FLII: variants seen among roughly 807,000 people sequenced by gnomAD.
The protein encoded by FLII is protein flightless-1 homolog.
FLII carries 101 observed loss-of-function variants against 156.2 expected under a neutral mutation model. That is an observed-to-expected ratio of 0.65 (90% CI 0.55 to 0.76). FLII has a LOEUF of 0.76. Ranked by LOEUF, FLII falls within the 30% of genes least tolerant of loss-of-function variation. The pLI is 0.00. For missense variants in FLII, 1,675 were observed against 1,682.8 expected (o/e 1.00, Z 0.08); for synonymous variants, 767 against 685.8 (o/e 1.12, Z -1.85).
In FLII at chr17:18,247,835, A is replaced by G. The variant is rs144793214; in HGVS notation, c.2309T>C (p.Leu770Pro). The G allele has an allele frequency of 2.8e-5, 45 of 1,613,738 alleles. No homozygotes were observed. The Admixed American group carries it at 7.5e-4, about 27-fold the overall frequency. Residue 770 changes from leucine (L) to proline (P), a missense_variant, in exon 20 of 30, where the codon CTG (leucine) becomes CCG (proline). Transcript: ENST00000327031. ...MPRMRLLQSL[L>P]DTRCVYILDC... ...CAGAATGTACACGCAGCGCGTGTCC[A>G]GCAGACTCTGCAGCTGCGGACCGGG...
Position 18,255,168 on chromosome 17 carries a change from T to C in FLII, c.327+15A>G. 2 of 1,601,134 alleles carry C rather than the reference T, an allele frequency of 1.2e-6. No homozygotes were observed. The highest frequency in any genetic ancestry group is 2.2e-5 in the East Asian group (1 of 44,768). ...CCGGCTAGCACAGGGGCCAGGTGAG[T>C]GGGTAGCCACTGACCAGGACTGAGA... is the stretch of plus-strand genomic sequence containing the variant. On this transcript the variant is annotated intron_variant, in intron 4 of 29. Coordinates refer to ENST00000327031, the MANE Select transcript of FLII (RefSeq NM_002018.4).
chr17:18,250,396 T>C (rs1028234663), intron 14 of FLII, among the ~76,000 whole-genome samples: 1 of 152,116 alleles, frequency 6.6e-6, no homozygotes, highest in African/African-American at 2.4e-5. Flanking sequence ...CGGCTAACAC[T>C]GCTCAGTAAT....
chr17:18,249,016 G>A (rs890348298), intron 16 of FLII, 111 bp downstream of exon 16: 47 of 1,369,154 alleles, frequency 3.4e-5, no homozygotes, highest in South Asian at 2.2e-4. Flanking sequence ...CGCCAAGCTC[G>A]TGGGCAGGAA....
intron 1 of FLII, 86 bp from the exon 2 acceptor site, chr17:18,257,105 C>T (rs1484720438): frequency 1.0e-5 from 8 of 780,214 alleles, no homozygotes; most frequent in Non-Finnish European, 1.7e-5. Flanking sequence ...CTTTGGGGAG[C>T]CACAGAACCA....
chr17:18,247,083 G>C, intron 21 of FLII, 31 bp from the exon 22 acceptor site: 1 of 1,604,636 alleles, frequency 6.2e-7, no homozygotes, highest in Non-Finnish European at 8.5e-7. Context: ...CCCCGCGGCA[G>C]GTCTGAGCGC....
chr17:18,246,649 G>A lies in FLII; in HGVS notation c.2996C>T (p.Thr999Ile), dbSNP rs747523576. ...GREASNMGWL[T>I]FTFSLQKKFE... The stretch of plus-strand genomic sequence containing the variant: ...CTTCTTTTGCAGGCTGAAGGTGAAG[G>A]TGAGCCAGCCCATATTGGAGGCTTC... The change falls in exon 23 of 30, where the codon ACC (threonine) becomes ATC (isoleucine). Residue 999 changes from threonine (T) to isoleucine (I), a missense_variant. Physicochemically the swap from Thr to Ile is moderately conservative, Grantham distance 89. Coordinates refer to ENST00000327031, the MANE Select transcript of FLII (RefSeq NM_002018.4). 1.2e-5 allele frequency: 20 copies of A among 1,613,852 alleles called. No individual in the cohort carries two copies. The East Asian group carries it at 3.8e-4, about 31-fold the overall frequency.
At position 18,249,171 on chromosome 17, in the gene FLII, G is replaced by C. The variant is rs771789019; in HGVS notation, c.1890C>G (p.Ile630Met). ...CCTTGAGGGGCACAGGCTCCAACTT[G>C]ATGTTCTTTTTCCCATACACACGAT... ...RMYRVYGKKNIKLEPVPLKGT... is the reference protein window; with the variant it reads ...RMYRVYGKKNMKLEPVPLKGT... Residue 630 changes from isoleucine to methionine, a missense_variant, in exon 16 of 30, where the codon ATC (isoleucine) becomes ATG (methionine). Physicochemically the swap from Ile to Met is conservative, Grantham distance 10 (BLOSUM62 1). Coordinates refer to ENST00000327031, the MANE Select transcript of FLII (RefSeq NM_002018.4). 3 of 1,614,182 alleles carry C rather than the reference G, an allele frequency of 1.9e-6. No individual in the cohort carries two copies. The highest frequency in any genetic ancestry group is 2.5e-6 in the Non-Finnish European group (3 of 1,180,038).
rs2048481998 is a variant in FLII, at chr17:18,258,135, G to A, written c.63+493C>T. ...TTAAGCCCCTTCACCGGCTGAGAAA[G>A]CCTAGGCTCTGAGAGGGGAAGTGAT... On this transcript the variant is annotated intron_variant, in intron 1 of 29. Transcript: ENST00000327031. The surrounding 1 kb of genome is among the most constrained non-coding windows in gnomAD (Gnocchi z 4.2). Among the ~76,000 whole-genome samples the A allele has an allele frequency of 6.6e-6, 1 of 152,256 alleles. No homozygotes were observed. Among genetic ancestry groups the A allele is most frequent in the Non-Finnish European group, 1.5e-5 (1 of 68,038 alleles).
In FLII at chr17:18,254,573, G is replaced by A; in HGVS notation, c.523C>T (p.His175Tyr). 6.2e-7 allele frequency: 1 copy of A among 1,613,726 alleles called. No individual in the cohort carries two copies. Among genetic ancestry groups the A allele is most frequent in the Non-Finnish European group, 8.5e-7 (1 of 1,179,924 alleles). Residue 175 changes from histidine (H) to tyrosine (Y), a missense_variant, in exon 6 of 30, where the codon CAC (histidine) becomes TAC (tyrosine). By Grantham distance (83) the His-to-Tyr change is moderately conservative. Transcript: ENST00000327031. ...SLPPQMRRLV[H>Y]LQTLVLNGNP... ...CCATTGAGCACGAGCGTCTGCAGGT[G>A]CACCAGGCGGCGCATCTGCGGGGGC...
intron 2 of FLII, 43 bp from the exon 3 acceptor site, chr17:18,256,640 G>T: frequency 1.3e-6 from 2 of 1,507,238 alleles, no homozygotes; most frequent in Non-Finnish European, 1.8e-6. Context: ...GGTGGGTGGG[G>T]TGTCCAGAGT....
chr17:18,256,807 G>T, intron 2 of FLII, 102 bp downstream of exon 2: 1 of 845,318 alleles, frequency 1.2e-6, no homozygotes, highest in Non-Finnish European at 1.9e-6. Context: ...GCTCATAGCT[G>T]TCGGTGTTCC....
At chr17:18,249,048 T>C (rs1007443761) in intron 16 of FLII, 79 bp downstream of exon 16, 4 of 1,425,950 alleles carry the variant, frequency 2.8e-6, no homozygotes, top group African/African-American at 1.4e-5. Flanking sequence ...CCTCCTCTTC[T>C]AAGAGGCCCA....
At chr17:18,254,226 G>T in intron 6 of FLII, 44 bp from the exon 7 acceptor site, 1 of 1,482,902 alleles carries the variant, frequency 6.7e-7, no homozygotes, top group Non-Finnish European at 9.2e-7. Flanking sequence ...CCCACCTAGG[G>T]AGTGTTAAGG....
rs769194407 is a variant in FLII, at chr17:18,246,411, T to G, written c.3103A>C (p.Lys1035Gln). The change falls in exon 24 of 30, where the codon AAG (lysine) becomes CAG (glutamine). Residue 1035 changes from lysine to glutamine, a missense_variant. Around this residue, in one of 2 missense-constraint regions of FLII, gnomAD observed 1,332 missense variants for 1,269.3 expected, o/e 1.05. Coordinates refer to ENST00000327031, the MANE Select transcript of FLII (RefSeq NM_002018.4). ...QENPKFLSHF[K>Q]RKFIIHRGKR... The stretch of plus-strand genomic sequence containing the variant: ...CCCCGGTGGATGATGAACTTCCTCT[T>G]GAAATGGGACAGGAACTTGGGGTTC... 6.2e-7 allele frequency: 1 copy of G among 1,614,024 alleles called. No individual in the cohort carries two copies. Among genetic ancestry groups the G allele is most frequent in the Non-Finnish European group, 8.5e-7 (1 of 1,179,990 alleles).
chr17:18,250,905 T>C lies in FLII; in HGVS notation c.1709A>G (p.Asn570Ser). The change falls in exon 14 of 30, where the codon AAC (asparagine) becomes AGC (serine). Residue 570 changes from asparagine to serine, a missense_variant. Asn to Ser is a conservative substitution (Grantham distance 46, BLOSUM62 1). Coordinates refer to ENST00000327031, the MANE Select transcript of FLII (RefSeq NM_002018.4). ...AGTGCGGCACTCAGCACCCAGGTAG[T>C]TGCGCAAGTTGACAGCGTGGATGGC... Reference protein sequence around the residue: ...CSAIHAVNLRNYLGAECRTVR... With the variant: ...CSAIHAVNLRSYLGAECRTVR... The C allele has an allele frequency of 1.2e-6, 2 of 1,614,020 alleles. No individual in the cohort carries two copies. The highest frequency in any genetic ancestry group is 1.7e-6 in the Non-Finnish European group (2 of 1,179,998).
intron 18 of FLII, 149 bp downstream of exon 18, chr17:18,248,401 G>C: frequency 1.4e-6 from 1 of 703,076 alleles, no homozygotes; most frequent in Non-Finnish European, 2.3e-6. Flanking sequence ...CCAGACCTTT[G>C]CTCATACTGT....
Position 18,246,750 on chromosome 17 carries a change from C to T in FLII, c.2895G>A (p.Glu965=). Residue 965 remains glutamate, a synonymous_variant, in exon 23 of 30, where the codon GAG becomes GAA. Coordinates refer to ENST00000327031, the MANE Select transcript of FLII (RefSeq NM_002018.4). Reference sequence around the variant, plus strand: ...TCTCCTCTGCCTCAGCGGTTGCTTCCTCGCCTTCTTTGCCCTCGGCCTTCT... The same window carrying T: ...TCTCCTCTGCCTCAGCGGTTGCTTCTTCGCCTTCTTTGCCCTCGGCCTTCT... The part of the protein sequence containing the change: ...KEEKAEGKEG[E]EATAEAEEKQ... The T allele has an allele frequency of 2.5e-6, 4 of 1,613,832 alleles. No individual in the cohort carries two copies. The highest frequency in any genetic ancestry group is 3.4e-6 in the Non-Finnish European group (4 of 1,179,846).
At chr17:18,257,932 G>C (rs1054737155) in intron 1 of FLII, among the ~76,000 whole-genome samples, 1 of 152,090 alleles carries the variant, frequency 6.6e-6, no homozygotes, top group African/African-American at 2.4e-5. Context: ...TCTCATTCTT[G>C]AGTCCTGGAA....
chr17:18,252,101 G>C lies in FLII; in HGVS notation c.1144C>G (p.Pro382Ala). The C allele has an allele frequency of 6.2e-7, 1 of 1,613,428 alleles. No homozygotes were observed. The highest frequency in any genetic ancestry group is 8.5e-7 in the Non-Finnish European group (1 of 1,180,030). ...TACCACTCAGCGGCACGGTCTGCGG[G>C]CTTGGGCGGCATGACCAGGTTGGGG... ...ENPNLVMPPK[P>A]ADRAAEWYNI... Residue 382 changes from proline to alanine, a missense_variant, in exon 11 of 30, where the codon CCC (proline) becomes GCC (alanine). Coordinates refer to ENST00000327031, the MANE Select transcript of FLII (RefSeq NM_002018.4).
Sources: allele counts gnomAD v4.1 joint callset (sites outside exome capture counted in the v4.1 genomes callset), GRCh38; gene constraint gnomAD v4.1.1; regional missense constraint gnomAD v4.1.1; non-coding constraint Gnocchi (gnomAD v3.1); transcripts MANE v1.5; gene names NCBI Gene and HGNC (gene_info 2026-07-23, HGNC 2026-07-21).